The following CDKN3 variants were observed in gnomAD, a reference collection of about 807,000 sequenced individuals.
CDKN3 encodes cyclin dependent kinase inhibitor 3, also known as cyclin-dependent kinase inhibitor 3.
CDKN3 carries 19 observed loss-of-function variants against 36.1 expected under a neutral mutation model. That is an observed-to-expected ratio of 0.53 (90% CI 0.37 to 0.77). CDKN3 has a LOEUF of 0.77. CDKN3 is among the 30% of genes least tolerant of loss of function. The pLI, the probability that CDKN3 is intolerant of heterozygous loss-of-function variation, is 0.00. For missense variants in CDKN3, 188 were observed against 248.6 expected (o/e 0.76, Z 1.64); for synonymous variants, 71 against 85.3 (o/e 0.83, Z 0.92).
intron 4 of CDKN3, among the ~76,000 whole-genome samples, chr14:54,410,242 G>A (rs999104815): frequency 1.3e-5 from 2 of 152,178 alleles, no homozygotes; most frequent in East Asian, 1.9e-4. Flanking sequence ...CCCTGCAGCA[G>A]TTCCTGAGAT....
rs1886328385 is a variant in CDKN3 at position 54,397,096 on chromosome 14, G to A, written c.9+19G>A. The A allele has an allele frequency of 6.7e-7, 1 of 1,499,492 alleles. No homozygotes were observed. The allele number at this position is 1,499,492 out of a possible 1,614,324, so 92.9% of individuals were successfully genotyped here. Reference sequence around the variant, plus strand: ...GAAGCCGGTGAGTCGGACGTGCTGGGGTTTGGAGGAGCGAGGCGGCAGGGA... The same window carrying A: ...GAAGCCGGTGAGTCGGACGTGCTGGAGTTTGGAGGAGCGAGGCGGCAGGGA... On this transcript the variant is annotated intron_variant, in intron 1 of 7. Coordinates refer to ENST00000335183, the MANE Select transcript of CDKN3 (RefSeq NM_005192.4).
At chr14:54,404,718 G>A (rs958138267) in intron 3 of CDKN3, among the ~76,000 whole-genome samples, 3 of 152,024 alleles carry the variant, frequency 2.0e-5, no homozygotes, top group African/African-American at 7.2e-5. Flanking sequence ...GGGACTACAG[G>A]CACCCACCAC....
At chr14:54,406,850 C>T (rs2030175426) in intron 3 of CDKN3, among the ~76,000 whole-genome samples, 1 of 152,082 alleles carries the variant, frequency 6.6e-6, no homozygotes, top group Non-Finnish European at 1.5e-5. Flanking sequence ...GTCAGTTCAT[C>T]AAACTCATTC....
chr14:54,398,205 T>G (rs1047103878), intron 1 of CDKN3, among the ~76,000 whole-genome samples: 4 of 152,158 alleles, frequency 2.6e-5, no homozygotes, highest in African/African-American at 9.7e-5. Flanking sequence ...ACCAAGACCG[T>G]TGTAGAATAT....
intron 3 of CDKN3, chr14:54,408,449 C>G (rs2030237485): frequency 6.7e-6 from 2 of 297,462 alleles, no homozygotes; most frequent in South Asian, 7.0e-5. Context: ...CACAGCCCTA[C>G]ACTTGTACTT....
intron 2 of CDKN3, among the ~76,000 whole-genome samples, chr14:54,400,534 A>G (rs562551552): frequency 2.6e-5 from 4 of 152,314 alleles, no homozygotes; most frequent in Admixed American, 1.3e-4. Flanking sequence ...CAGCCTTTTA[A>G]TCTTGGCAAG....
rs532393189 is a variant in CDKN3, at chr14:54,401,508, T to C, written c.93-16T>C. ...TAAAAACTTAACTAAACATGAAAAA[T>C]TTTTCTTCTTTTCAGGCTATCTTTG... is the stretch of plus-strand genomic sequence containing the variant. On this transcript the variant is annotated splice_polypyrimidine_tract_variant and intron_variant, in intron 2 of 7. Coordinates refer to ENST00000335183, the MANE Select transcript of CDKN3 (RefSeq NM_005192.4). 3 of 1,596,320 alleles carry C rather than the reference T, an allele frequency of 1.9e-6. No individual in the cohort carries two copies. The highest frequency in any genetic ancestry group is 1.7e-5 in the Admixed American group (1 of 58,732).
chr14:54,420,203 A>C lies in CDKN3; in HGVS notation c.*125A>C. On this transcript the variant is annotated 3_prime_UTR_variant, in exon 8 of 8. Coordinates refer to ENST00000335183, the MANE Select transcript of CDKN3 (RefSeq NM_005192.4). ...AATGTACATGTGCAGATATTCCTAA[A>C]GTTTTATTGACAAAACTCGTTGTGT... 1.9e-6 allele frequency: 1 copy of C among 522,996 alleles called. No homozygotes were observed. 32.4% of individuals were successfully genotyped at this position (522,996 alleles called of 1,614,324 possible).
intron 2 of CDKN3, 64 bp from the exon 3 acceptor site, chr14:54,401,460 C>G (rs1039039675): frequency 1.8e-6 from 2 of 1,139,974 alleles, no homozygotes; most frequent in Middle Eastern, 2.1e-4. Flanking sequence ...ATTGATTAAA[C>G]TGAATTTCCA....
rs143879441 is a variant in CDKN3 at position 54,417,041 on chromosome 14, G to A, written c.449-807G>A. ...CATGAAAAATAACAAGTATTGGCAAGGATGTAGAGAAATTCGAACCCTCAT... is the reference window on the plus strand; with the variant it reads ...CATGAAAAATAACAAGTATTGGCAAAGATGTAGAGAAATTCGAACCCTCAT... On this transcript the variant is annotated intron_variant, in intron 6 of 7. Transcript: ENST00000335183. Among the ~76,000 whole-genome samples, 173 of 152,312 alleles carry A rather than the reference G, an allele frequency of 1.1e-3. 3 individuals carry two copies. The East Asian group carries it at 0.032, about 28-fold the overall frequency.
chr14:54,411,862 A>T (rs1412627308), intron 5 of CDKN3, 156 bp downstream of exon 5: 2 of 691,806 alleles, frequency 2.9e-6, no homozygotes, highest in South Asian at 3.1e-5. Context: ...AATGTCTGGT[A>T]CAGGGTAAGT....
chr14:54,403,619 G>A (rs150933501), intron 3 of CDKN3, among the ~76,000 whole-genome samples: 231 of 152,292 alleles, frequency 1.5e-3, no homozygotes, highest in South Asian at 7.5e-3. Context: ...TCTTATGACG[G>A]TTTTCAAAGG....
intron 7 of CDKN3, 53 bp from the exon 8 acceptor site, chr14:54,419,939 C>A: frequency 2.0e-6 from 2 of 997,424 alleles, no homozygotes; most frequent in Non-Finnish European, 3.2e-6. Flanking sequence ...ATTGTGCCCA[C>A]ACTGATAACT....
Position 54,399,936 on chromosome 14 carries a change from G to C in CDKN3, c.52G>C (p.Glu18Gln). The change falls in exon 2 of 8, where the codon GAG (glutamate) becomes CAG (glutamine). Residue 18 changes from glutamate to glutamine, a missense_variant. Glu to Gln is a conservative substitution (Grantham distance 29). Coordinates refer to ENST00000335183, the MANE Select transcript of CDKN3 (RefSeq NM_005192.4). ...AAGTGAGTTTGACTCATCAGATGAA[G>C]AGCCTATTGAAGATGAACAGACTCC... ...QTSEFDSSDE[E>Q]PIEDEQTPIH... is the part of the protein sequence containing the mutation. 6.3e-7 allele frequency: 1 copy of C among 1,577,870 alleles called. No individual in the cohort carries two copies.
chr14:54,400,121 A>T, intron 2 of CDKN3, 145 bp downstream of exon 2: 1 of 610,772 alleles, frequency 1.6e-6, no homozygotes, highest in Non-Finnish European at 2.9e-6. Flanking sequence ...TATAATTCTA[A>T]TCATTAAAGG....
At chr14:54,415,778 C>A in intron 5 of CDKN3, 121 bp from the exon 6 acceptor site, 1 of 747,242 alleles carries the variant, frequency 1.3e-6, no homozygotes, top group Non-Finnish European at 2.4e-6. Context: ...TATTAATCTT[C>A]GTGTGCAAGG....
intron 1 of CDKN3, among the ~76,000 whole-genome samples, chr14:54,399,144 C>A (rs1019132599): frequency 1.3e-5 from 2 of 151,956 alleles, no homozygotes; most frequent in Non-Finnish European, 2.9e-5. Flanking sequence ...TGCCACCATG[C>A]CTGGTTAATT....
chr14:54,416,141 A>G (rs2030536957), intron 6 of CDKN3, among the ~76,000 whole-genome samples: 1 of 152,210 alleles, frequency 6.6e-6, no homozygotes, highest in Non-Finnish European at 1.5e-5. Flanking sequence ...GGATTCTGGC[A>G]AAACATCATT....
At chr14:54,410,610 A>G (rs1015230348) in intron 4 of CDKN3, among the ~76,000 whole-genome samples, 1 of 152,210 alleles carries the variant, frequency 6.6e-6, no homozygotes, top group Non-Finnish European at 1.5e-5. Flanking sequence ...CCTAGTCTAT[A>G]AAATTAAATA....
Sources: gnomAD v4.1 joint callset for allele counts (sites outside exome capture counted in the v4.1 genomes callset) on GRCh38, gnomAD v4.1.1 for gene constraint, MANE v1.5 for transcripts, NCBI Gene and HGNC (gene_info 2026-07-23, HGNC 2026-07-21) for gene names.